RANBP2: variants seen among roughly 807,000 people sequenced by gnomAD.
RANBP2 encodes the protein E3 SUMO-protein ligase RanBP2.
Under a neutral mutation model 303.6 loss-of-function variants are expected in RANBP2, and 57 were observed. The observed-to-expected ratio is 0.19, with a 90% CI of 0.15 to 0.23. The LOEUF (loss-of-function observed/expected upper bound fraction) is 0.23, where lower values mean the gene tolerates loss of function less well. Among genes scored for constraint, RANBP2 ranks in the 10% least tolerant of loss-of-function variants. RANBP2 has a pLI of 1.00. For missense variants in RANBP2, 3,138 were observed against 3,780.8 expected (o/e 0.83, Z 4.46); for synonymous variants, 1,167 against 1,301.5 (o/e 0.90, Z 2.23).
chr2:109,418,575 C>T, the RANBP2 span, among the ~76,000 whole-genome samples: 2 of 152,058 alleles, frequency 1.3e-5, no homozygotes, highest in South Asian at 4.1e-4. Context: ...GGTCCTCCTT[C>T]TCTGTGTTGT....
chr2:109,600,203 C>T, the RANBP2 span, among the ~76,000 whole-genome samples: 1 of 152,180 alleles, frequency 6.6e-6, no homozygotes. Flanking sequence ...GGCTTCCTCC[C>T]TTCTTTCCTT....
the RANBP2 span, among the ~76,000 whole-genome samples, chr2:109,349,647 C>A: frequency 6.6e-6 from 1 of 152,178 alleles, no homozygotes; most frequent in South Asian, 2.1e-4. Context: ...CCAGGCTTGG[C>A]GGGCTCCAGG....
the RANBP2 span, among the ~76,000 whole-genome samples, chr2:109,291,026 A>G: frequency 6.6e-6 from 1 of 152,242 alleles, no homozygotes; most frequent in Admixed American, 6.5e-5. Context: ...GCACTGAGTC[A>G]TACATTCTCA....
At chr2:109,284,640 A>G in the RANBP2 span, among the ~76,000 whole-genome samples, 22 of 152,234 alleles carry the variant, frequency 1.4e-4, no homozygotes, top group African/African-American at 5.1e-4. Context: ...ACCATTGCCA[A>G]TGTCATGGGT....
At chr2:109,122,773 A>G in the RANBP2 span, among the ~76,000 whole-genome samples, 2 of 152,170 alleles carry the variant, frequency 1.3e-5, no homozygotes, top group Admixed American at 6.5e-5. Context: ...CAGTAGGCTG[A>G]AGTGGGAGGA....
At chr2:109,028,112 A>C in the RANBP2 span, among the ~76,000 whole-genome samples, 1 of 152,076 alleles carries the variant, frequency 6.6e-6, no homozygotes, top group Non-Finnish European at 1.5e-5. Context: ...TCTACAAAAA[A>C]TGCAAAAAAT....
At chr2:109,174,456 A>C in the RANBP2 span, among the ~76,000 whole-genome samples, 1 of 152,148 alleles carries the variant, frequency 6.6e-6, no homozygotes, top group African/African-American at 2.4e-5. Context: ...TGGTGCCCTG[A>C]TCAGAGTAGG....
At chr2:108,823,929 A>G in the RANBP2 span, among the ~76,000 whole-genome samples, 5 of 151,850 alleles carry the variant, frequency 3.3e-5, no homozygotes, top group Non-Finnish European at 7.4e-5. Context: ...GTGAGCCAAG[A>G]TCGCGCCACT....
chr2:109,094,755 G>A, the RANBP2 span, among the ~76,000 whole-genome samples: 1 of 152,210 alleles, frequency 6.6e-6, no homozygotes, highest in Non-Finnish European at 1.5e-5. Context: ...ACTTCAACTC[G>A]AGAGGTGGAG....
At chr2:109,708,872 A>G in the RANBP2 span, among the ~76,000 whole-genome samples, 3 of 152,070 alleles carry the variant, frequency 2.0e-5, no homozygotes, top group South Asian at 6.2e-4. Flanking sequence ...GCTACTTGGG[A>G]GGCTGAGGCA....
At chr2:109,527,868 A>C in the RANBP2 span, among the ~76,000 whole-genome samples, 1 of 152,232 alleles carries the variant, frequency 6.6e-6, no homozygotes, top group African/African-American at 2.4e-5. Context: ...AGCCACTGTC[A>C]GAAGGAAACA....
the RANBP2 span, among the ~76,000 whole-genome samples, chr2:109,062,868 A>G: frequency 6.6e-6 from 1 of 151,350 alleles, no homozygotes; most frequent in African/African-American, 2.4e-5. Flanking sequence ...GGTGGAGGTG[A>G]AGGGGGCTGG....
the RANBP2 span, among the ~76,000 whole-genome samples, chr2:109,123,604 G>C: frequency 6.6e-6 from 1 of 152,322 alleles, no homozygotes; most frequent in Non-Finnish European, 1.5e-5. Flanking sequence ...TTGGATGCAA[G>C]TCTTGATTAT....
chr2:108,998,073 G>C, the RANBP2 span, among the ~76,000 whole-genome samples: 1 of 152,006 alleles, frequency 6.6e-6, no homozygotes, highest in Non-Finnish European at 1.5e-5. Context: ...CAGTCTACCG[G>C]AACTGTTGCT....
the RANBP2 span, among the ~76,000 whole-genome samples, chr2:109,649,181 GA>G: frequency 0.032 from 4,871 of 152,162 alleles, 89 homozygotes; most frequent in South Asian, 0.07. Context: ...ACCATTTAAA[GA>G]ATGAGAAAAA....
chr2:109,034,403 C>T, the RANBP2 span, among the ~76,000 whole-genome samples: 1 of 152,104 alleles, frequency 6.6e-6, no homozygotes, highest in Non-Finnish European at 1.5e-5. Flanking sequence ...GGGCCATGCC[C>T]CAGAGGAAGA....
the RANBP2 span, among the ~76,000 whole-genome samples, chr2:108,837,557 CTT>C: frequency 6.6e-6 from 1 of 152,154 alleles, no homozygotes; most frequent in African/African-American, 2.4e-5. Context: ...TTTCCTGTCA[CTT>C]TGTGACATCA....
the RANBP2 span, among the ~76,000 whole-genome samples, chr2:109,201,597 T>C: frequency 3.3e-5 from 5 of 152,184 alleles, no homozygotes; most frequent in African/African-American, 1.2e-4. Context: ...AAGTGTGATC[T>C]GGGACCATGC....
At chr2:109,033,955 CAAA>C in the RANBP2 span, among the ~76,000 whole-genome samples, 946 of 106,876 alleles carry the variant, frequency 8.9e-3, 10 homozygotes, top group African/African-American at 0.03. Context: ...ACCCTGACTC[CAAA>C]AAAAAAAAAA....
Sources: allele counts gnomAD v4.1 joint callset (sites outside exome capture counted in the v4.1 genomes callset), GRCh38; gene constraint gnomAD v4.1.1; transcripts MANE v1.5; gene names NCBI Gene and HGNC (gene_info 2026-07-23, HGNC 2026-07-21).